The following KIAA1958 variants were observed in gnomAD, a reference collection of about 807,000 sequenced individuals.
The protein encoded by KIAA1958 is KIAA1958, also known as uncharacterized protein KIAA1958.
In KIAA1958, 14 loss-of-function variants were observed where a neutral mutation model predicts 47.2. The observed-to-expected ratio is 0.30, with a 90% CI of 0.20 to 0.46. The LOEUF is 0.46. KIAA1958 is among the 20% of genes least tolerant of loss of function. KIAA1958 has a pLI of 1.00. For synonymous variants in KIAA1958, 354 were observed against 353.3 expected (o/e 1.00, Z -0.02); for missense variants, 803 against 909.2 (o/e 0.88, Z 1.50).
intron 1 of KIAA1958, among the ~76,000 whole-genome samples, chr9:112,507,541 G>A (rs539259011): frequency 1.3e-5 from 2 of 152,012 alleles, no homozygotes; most frequent in Admixed American, 6.5e-5. Context: ...TAGAGATAGG[G>A]CCTCACAATA....
chr9:112,552,843 G>A (rs1164094830), intron 1 of KIAA1958, among the ~76,000 whole-genome samples: 3 of 152,066 alleles, frequency 2.0e-5, no homozygotes, highest in African/African-American at 4.8e-5. Flanking sequence ...AATTCAAGTC[G>A]GCATGGAGCT....
intron 2 of KIAA1958, among the ~76,000 whole-genome samples, chr9:112,607,136 C>G (rs1245897098): frequency 6.6e-6 from 1 of 152,026 alleles, no homozygotes. Flanking sequence ...GTGGGCAGAT[C>G]ACCTGAGGTC....
At chr9:112,629,064 G>A (rs1836666685) in intron 2 of KIAA1958, among the ~76,000 whole-genome samples, 1 of 152,096 alleles carries the variant, frequency 6.6e-6, no homozygotes, top group South Asian at 2.1e-4. Context: ...ATTCAACAAG[G>A]TCTTCCATCC....
chr9:112,555,839 C>T (rs1457687133), intron 1 of KIAA1958, among the ~76,000 whole-genome samples: 2 of 152,186 alleles, frequency 1.3e-5, no homozygotes, highest in Non-Finnish European at 2.9e-5. Context: ...CTTTGGGAGG[C>T]CAAGGCGGGC....
chr9:112,600,504 A>T (rs950334827), intron 2 of KIAA1958, among the ~76,000 whole-genome samples: 23 of 152,184 alleles, frequency 1.5e-4, no homozygotes, highest in African/African-American at 5.1e-4. Context: ...ACTGTACTGA[A>T]TTCATACAGT....
rs144902639 is a variant in KIAA1958 at position 112,523,173 on chromosome 9, T to C, written c.-25+36055T>C. Among the ~76,000 whole-genome samples the C allele has an allele frequency of 5.2e-3, 789 of 152,264 alleles. 2 individuals are homozygous for C. The highest frequency in any genetic ancestry group is 0.011 in the South Asian group (55 of 4,822). ...TGGTATTACATTCAAATGCTAGGGA[T>C]TGAGGGTGGTTCCATTAGGATGCTG... On this transcript the variant is annotated intron_variant, in intron 1 of 3. Transcript: ENST00000337530.
rs1411046713 is a variant in KIAA1958, at chr9:112,661,925, T to C, written c.*1856T>C. On this transcript the variant is annotated 3_prime_UTR_variant, in exon 4 of 4. Coordinates refer to ENST00000337530, the MANE Select transcript of KIAA1958 (RefSeq NM_133465.4). ...AACACCCAAAGGATATTTTGTTTTGTTGGTTCTGCACTTAAACTGAAATAC... is the reference window on the plus strand; with the variant it reads ...AACACCCAAAGGATATTTTGTTTTGCTGGTTCTGCACTTAAACTGAAATAC... The C allele has an allele frequency of 1.3e-5, 2 of 152,242 alleles. No individual in the cohort carries two copies. The highest frequency in any genetic ancestry group is 1.9e-4 in the East Asian group (1 of 5,206). The allele number at this position is 152,242 out of a possible 1,614,324, so 9.4% of individuals were successfully genotyped here. A position where few individuals can be genotyped will look rare whatever the true frequency, so the allele number is the denominator to read the frequency against.
intron 2 of KIAA1958, among the ~76,000 whole-genome samples, chr9:112,586,553 A>C (rs751810215): frequency 3.9e-5 from 6 of 151,996 alleles, no homozygotes; most frequent in Non-Finnish European, 5.9e-5. Context: ...GTATTTCACA[A>C]AAAAAAATCT....
intron 2 of KIAA1958, among the ~76,000 whole-genome samples, chr9:112,634,404 T>C (rs11791038): frequency 0.15 from 23,336 of 152,112 alleles, 2,221 homozygotes; most frequent in Non-Finnish European, 0.21. Context: ...AATTTTTTTG[T>C]ATTTTTAGTA....
chr9:112,565,520 T>C (rs1835413642), intron 1 of KIAA1958, among the ~76,000 whole-genome samples: 1 of 152,230 alleles, frequency 6.6e-6, no homozygotes, highest in Non-Finnish European at 1.5e-5. Flanking sequence ...TTCTTGAAAA[T>C]GTAGAAGCAG....
In KIAA1958 at chr9:112,526,410, C is replaced by T. The variant is rs546539156; in HGVS notation, c.-25+39292C>T. 3.9e-5 allele frequency among the ~76,000 whole-genome samples: 6 copies of T among 152,008 alleles called. No homozygotes were observed. The South Asian group carries it at 6.2e-4, about 16-fold the overall frequency. ...CTGGGATTACAGGTGTGCACCACCACGCCCAGCTAATTTTTGTATTTTTAG... is the reference window on the plus strand; with the variant it reads ...CTGGGATTACAGGTGTGCACCACCATGCCCAGCTAATTTTTGTATTTTTAG... On this transcript the variant is annotated intron_variant, in intron 1 of 3. Coordinates refer to ENST00000337530, the MANE Select transcript of KIAA1958 (RefSeq NM_133465.4).
At chr9:112,658,892 A>C (rs924956170) in intron 3 of KIAA1958, among the ~76,000 whole-genome samples, 18 of 150,284 alleles carry the variant, frequency 1.2e-4, no homozygotes, top group African/African-American at 3.6e-4. Flanking sequence ...TGGTGGCGGG[A>C]GCCTATAGTC....
intron 1 of KIAA1958, among the ~76,000 whole-genome samples, chr9:112,557,906 T>C (rs1459903060): frequency 6.6e-6 from 1 of 152,178 alleles, no homozygotes; most frequent in African/African-American, 2.4e-5. Flanking sequence ...TAATATGATA[T>C]GGCATACTGG....
At chr9:112,600,731 T>G (rs147178619) in intron 2 of KIAA1958, among the ~76,000 whole-genome samples, 46 of 152,298 alleles carry the variant, frequency 3.0e-4, no homozygotes, top group Admixed American at 6.5e-4. Flanking sequence ...TTAGCAAATA[T>G]TTGCCAGAAA....
intron 1 of KIAA1958, among the ~76,000 whole-genome samples, chr9:112,510,727 A>G (rs1231324757): frequency 2.6e-5 from 4 of 152,184 alleles, no homozygotes; most frequent in African/African-American, 4.8e-5. Context: ...GTCAGGTGAT[A>G]ATAAATGCCA....
intron 2 of KIAA1958, among the ~76,000 whole-genome samples, chr9:112,638,863 A>G (rs1836851193): frequency 6.6e-6 from 1 of 152,126 alleles, no homozygotes; most frequent in Non-Finnish European, 1.5e-5. Flanking sequence ...TTCACAAATC[A>G]TCTATGTGTT....
At chr9:112,574,020 G>A in intron 1 of KIAA1958, 37 bp from the exon 2 acceptor site, 1 of 1,087,684 alleles carries the variant, frequency 9.2e-7, no homozygotes, top group Non-Finnish European at 1.3e-6. Context: ...ATTATCTTGG[G>A]TAATAATGGC....
intron 1 of KIAA1958, among the ~76,000 whole-genome samples, chr9:112,542,412 T>G (rs562831523): frequency 6.6e-6 from 1 of 152,160 alleles, no homozygotes; most frequent in South Asian, 2.1e-4. Flanking sequence ...ATAAAGAGGA[T>G]ATATTCATGA....
In KIAA1958 at chr9:112,618,828, A is replaced by G; in HGVS notation, c.1172-26822A>G. 1 of 1,550,612 alleles carries G rather than the reference A, an allele frequency of 6.4e-7. No individual in the cohort carries two copies. The highest frequency in any genetic ancestry group is 8.7e-7 in the Non-Finnish European group (1 of 1,146,954). On this transcript the variant is annotated intron_variant, in intron 2 of 3. Transcript: ENST00000337530. This position sits in a 1 kb window ranked among gnomAD's most constrained non-coding sequence, Gnocchi z 7.1. ...GTGCTGATCTGTAACAATCTGAGCC[A>G]GCAGGCTGCCCAGTCAGTGGCCGGC... is the stretch of plus-strand genomic sequence containing the variant.
Sources: gnomAD v4.1 joint callset for allele counts (sites outside exome capture counted in the v4.1 genomes callset) on GRCh38, gnomAD v4.1.1 for gene constraint, Gnocchi (gnomAD v3.1) non-coding constraint, MANE v1.5 for transcripts, NCBI Gene and HGNC (gene_info 2026-07-23, HGNC 2026-07-21) for gene names.